PARD3: variants seen among roughly 807,000 people sequenced by gnomAD.
The protein encoded by PARD3 is partitioning defective 3 homolog.
PARD3 carries 75 observed loss-of-function variants against 155.4 expected under a neutral mutation model. The ratio of observed to expected loss-of-function variants is 0.48; its 90% CI spans 0.40 to 0.58. The LOEUF (loss-of-function observed/expected upper bound fraction) is 0.58, where lower values mean the gene tolerates loss of function less well. Ranked by LOEUF, PARD3 falls within the 20% of genes least tolerant of loss-of-function variation. The pLI is 0.00. For missense variants in PARD3, 1,642 were observed against 1,721.7 expected (o/e 0.95, Z 0.82); for synonymous variants, 576 against 610.5 (o/e 0.94, Z 0.83).
At chr10:34,679,403 A>C (rs958254401) in intron 2 of PARD3, among the ~76,000 whole-genome samples, 1 of 152,178 alleles carries the variant, frequency 6.6e-6, no homozygotes, top group Non-Finnish European at 1.5e-5. Flanking sequence ...TCAGGTTCAA[A>C]GAAGTCTCTC....
chr10:34,481,531 GA>G (rs930804418), intron 3 of PARD3, among the ~76,000 whole-genome samples: 5 of 152,144 alleles, frequency 3.3e-5, no homozygotes, highest in African/African-American at 1.2e-4. Context: ...CAGTTCAGGG[GA>G]AAAGTTAGTT....
At chr10:34,696,443 G>A in intron 1 of PARD3, 24 bp from the exon 2 acceptor site, 1 of 1,370,956 alleles carries the variant, frequency 7.3e-7, no homozygotes, top group South Asian at 1.2e-5. Flanking sequence ...CAGAAACACT[G>A]AATATAGCAA....
chr10:34,346,155 G>A, intron 15 of PARD3: 1 of 1,092,194 alleles, frequency 9.2e-7, no homozygotes, highest in Non-Finnish European at 1.1e-6. Flanking sequence ...TAAGAGTTCA[G>A]TACATATCTA....
At chr10:34,134,897 C>T (rs1366485651) in intron 22 of PARD3, among the ~76,000 whole-genome samples, 3 of 152,138 alleles carry the variant, frequency 2.0e-5, no homozygotes, top group African/African-American at 7.2e-5. Context: ...TATAATGAGC[C>T]AATAATTCAA....
At chr10:34,356,231 T>G (rs1305196597) in intron 14 of PARD3, among the ~76,000 whole-genome samples, 3 of 152,064 alleles carry the variant, frequency 2.0e-5, no homozygotes, top group African/African-American at 7.2e-5. Flanking sequence ...TAATACCTAG[T>G]GAAGGGAGCT....
chr10:34,352,775 G>C lies in PARD3; in HGVS notation c.2068-4660C>G, dbSNP rs1838270454. Among the ~76,000 whole-genome samples, 3 of 152,138 alleles carry C rather than the reference G, an allele frequency of 2.0e-5. No individual in the cohort carries two copies. The South Asian group carries it at 6.2e-4, about 31-fold the overall frequency. On this transcript the variant is annotated intron_variant, in intron 14 of 24. Coordinates refer to ENST00000374788, the MANE Select transcript of PARD3 (RefSeq NM_001184785.2). ...CTCTGCCCGGCCGCGACCCCATCTGGGAAGTGAGGAGCCTCTCTGCCTGGT... is the reference window on the plus strand; with the variant it reads ...CTCTGCCCGGCCGCGACCCCATCTGCGAAGTGAGGAGCCTCTCTGCCTGGT...
chr10:34,211,548 G>A (rs1010417573), intron 22 of PARD3, among the ~76,000 whole-genome samples: 1 of 152,174 alleles, frequency 6.6e-6, no homozygotes, highest in Non-Finnish European at 1.5e-5. Flanking sequence ...TTGGGAGGCC[G>A]AGGCAGACGG....
At chr10:34,355,061 C>T (rs560636427) in intron 14 of PARD3, among the ~76,000 whole-genome samples, 323 of 152,218 alleles carry the variant, frequency 2.1e-3, no homozygotes, top group African/African-American at 7.3e-3. Flanking sequence ...CTAGGCCAGG[C>T]GCAGTGGCTC....
chr10:34,572,757 CTCT>C lies in PARD3; in HGVS notation c.223-55601_223-55599del, dbSNP rs1187760755. On this transcript the variant is annotated intron_variant, in intron 2 of 24. Transcript: ENST00000374788. ...ATCAAAACTAACGGGGGTTTTGTTG[CTCT>C]TCATCTGTCATCTCTTACGCAGGCC... Among the ~76,000 whole-genome samples, 11 of 151,572 alleles carry C rather than the reference CTCT, an allele frequency of 7.3e-5. 1 individual carries two copies. The highest frequency in any genetic ancestry group is 7.2e-4 in the Admixed American group (11 of 15,228).
rs1489605892 is a variant in PARD3 at position 34,227,879 on chromosome 10, TATATAC to T, written c.3419+41772_3419+41777del. Among the ~76,000 whole-genome samples the T allele has an allele frequency of 1.0e-3, 144 of 137,774 alleles. 2 individuals carry two copies. Among genetic ancestry groups the T allele is most frequent in the Middle Eastern group, 3.7e-3 (1 of 272 alleles). The allele number at this position is 137,774 out of a possible 152,430, so 90.4% of individuals were successfully genotyped here. On this transcript the variant is annotated intron_variant, in intron 22 of 24. Coordinates refer to ENST00000374788, the MANE Select transcript of PARD3 (RefSeq NM_001184785.2). ...TTTTATATATATATATATATATATA[TATATAC>T]TGGGAATATATATGTATATATAAAA...
chr10:34,805,500 A>G (rs933973712), intron 1 of PARD3, among the ~76,000 whole-genome samples: 1 of 151,030 alleles, frequency 6.6e-6, no homozygotes, highest in Non-Finnish European at 1.5e-5. Flanking sequence ...ACTTAAATTT[A>G]TACCACCATA....
At chr10:34,592,915 T>C (rs985754298) in intron 2 of PARD3, among the ~76,000 whole-genome samples, 4 of 152,230 alleles carry the variant, frequency 2.6e-5, no homozygotes, top group Admixed American at 1.3e-4. Context: ...CCATGTTTTT[T>C]CCTTCTTCCC....
At chr10:34,548,184 C>T (rs2084256129) in intron 2 of PARD3, among the ~76,000 whole-genome samples, 1 of 152,144 alleles carries the variant, frequency 6.6e-6, no homozygotes, top group East Asian at 1.9e-4. Context: ...AGAAGTTTCT[C>T]CACTGTTTAA....
chr10:34,432,356 A>G, intron 5 of PARD3, among the ~76,000 whole-genome samples: 1 of 145,700 alleles, frequency 6.9e-6, no homozygotes, highest in African/African-American at 2.7e-5. Flanking sequence ...ACACACACAC[A>G]CACACACACA....
chr10:34,570,412 C>G (rs1391801235), intron 2 of PARD3, among the ~76,000 whole-genome samples: 1 of 152,182 alleles, frequency 6.6e-6, no homozygotes, highest in East Asian at 1.9e-4. Context: ...AAAATTGCCA[C>G]TCCCCTTTGG....
chr10:34,126,129 C>T (rs187780557), intron 23 of PARD3, among the ~76,000 whole-genome samples: 1 of 152,202 alleles, frequency 6.6e-6, no homozygotes, highest in Non-Finnish European at 1.5e-5. Flanking sequence ...GTTGCCTTTT[C>T]TTCTTCTCTT....
intron 2 of PARD3, among the ~76,000 whole-genome samples, chr10:34,647,036 T>C (rs915321346): frequency 1.3e-5 from 2 of 152,182 alleles, no homozygotes; most frequent in Non-Finnish European, 2.9e-5. Context: ...GTGAACATAT[T>C]TGCTTTTATT....
At chr10:34,171,281 A>C (rs1346454072) in intron 22 of PARD3, among the ~76,000 whole-genome samples, 1 of 152,212 alleles carries the variant, frequency 6.6e-6, no homozygotes, top group East Asian at 1.9e-4. Context: ...ACGCTCAAAA[A>C]AGATAATCGA....
intron 2 of PARD3, among the ~76,000 whole-genome samples, chr10:34,694,166 GAAAC>G (rs1295193504): frequency 7.3e-5 from 6 of 81,900 alleles, no homozygotes; most frequent in African/African-American, 1.8e-4. Flanking sequence ...AAAAAAAAAA[GAAAC>G]AAAAAAAAGA....
Sources: gnomAD v4.1 joint callset for allele counts (sites outside exome capture counted in the v4.1 genomes callset) on GRCh38, gnomAD v4.1.1 for gene constraint, MANE v1.5 for transcripts, NCBI Gene and HGNC (gene_info 2026-07-23, HGNC 2026-07-21) for gene names.